The following MAGED1 variants were observed in gnomAD, a reference collection of about 807,000 sequenced individuals.
The protein encoded by MAGED1 is melanoma-associated antigen D1.
Under a neutral mutation model 54.1 loss-of-function variants are expected in MAGED1, and 3 were observed. The ratio of observed to expected loss-of-function variants is 0.06; its 90% CI spans 0.03 to 0.14. The LOEUF is 0.14. MAGED1 is among the 10% of genes least tolerant of loss of function. The probability of loss-of-function intolerance (pLI) is 1.00; values close to 1 mark genes in which losing one functional copy is unlikely to be tolerated. For missense variants in MAGED1, 485 were observed against 623.4 expected (o/e 0.78, Z 2.36); for synonymous variants, 217 against 227.3 (o/e 0.95, Z 0.41).
intron 1 of MAGED1, among the ~76,000 whole-genome samples, chrX:51,852,641 T>C (rs782637773): frequency 1.8e-5 from 2 of 111,904 alleles, no homozygotes; most frequent in Non-Finnish European, 3.8e-5. Context: ...GGAACAAGAT[T>C]TACATTCTTG....
At chrX:51,836,533 G>T (rs1926256568) in intron 1 of MAGED1, among the ~76,000 whole-genome samples, 1 of 109,256 alleles carries the variant, frequency 9.2e-6, no homozygotes. Context: ...TCTTTCCCCT[G>T]CCTTGGGTAG....
intron 1 of MAGED1, among the ~76,000 whole-genome samples, chrX:51,846,201 C>T (rs782580380): frequency 8.9e-6 from 1 of 111,942 alleles, no homozygotes; most frequent in South Asian, 3.7e-4. Flanking sequence ...AGAGACTTTG[C>T]AGATATGATT....
At chrX:51,841,568 G>A (rs1392858629) in intron 1 of MAGED1, among the ~76,000 whole-genome samples, 1 of 111,760 alleles carries the variant, frequency 8.9e-6, no homozygotes, top group African/African-American at 3.3e-5. Context: ...TATGGTTTTA[G>A]GTCTAACATG....
intron 1 of MAGED1, among the ~76,000 whole-genome samples, chrX:51,876,868 CTT>C: frequency 9.0e-6 from 1 of 111,089 alleles, no homozygotes; most frequent in East Asian, 2.8e-4. Flanking sequence ...TTTATATTAT[CTT>C]TTCTCATTTA....
intron 1 of MAGED1, among the ~76,000 whole-genome samples, chrX:51,866,470 A>G (rs781938737): frequency 1.8e-5 from 2 of 111,918 alleles, no homozygotes; most frequent in African/African-American, 3.2e-5. Flanking sequence ...AAAACTGTGA[A>G]CATTCCAATA....
chrX:51,829,534 A>T (rs1353265751), intron 1 of MAGED1, among the ~76,000 whole-genome samples: 8 of 109,459 alleles, frequency 7.3e-5, no homozygotes, highest in African/African-American at 2.3e-4. Flanking sequence ...TTAATTTTTA[A>T]AAAAAAAAAT....
rs781823534 is a variant in MAGED1, at chrX:51,897,018, C to T, written c.1363C>T (p.Arg455Cys). 13 of 1,210,220 alleles carry T rather than the reference C, an allele frequency of 1.1e-5. No homozygotes were observed. The highest frequency in any genetic ancestry group is 1.3e-5 in the Non-Finnish European group (12 of 895,258). ...SPNLRPSPNS[R>C]ASQNPGAAQP... ...TAACCTGCGCCCTTCTCCCAACTCGCGTGCCTCACAGAACCCAGGTGCTGC... is the reference window on the plus strand; with the variant it reads ...TAACCTGCGCCCTTCTCCCAACTCGTGTGCCTCACAGAACCCAGGTGCTGC... The change falls in exon 4 of 13, where the codon CGT (arginine) becomes TGT (cysteine). Residue 455 changes from arginine (R) to cysteine (C), a missense_variant. This residue lies in a region of MAGED1 where 186 missense variants were observed against 330.3 expected (regional missense o/e 0.56). Transcript: ENST00000326587.
intron 1 of MAGED1, among the ~76,000 whole-genome samples, chrX:51,804,955 C>T (rs782555897): frequency 2.7e-5 from 3 of 111,926 alleles, no homozygotes; most frequent in Non-Finnish European, 3.8e-5. Context: ...CCCTAGTGGT[C>T]ACTTTTCTGC....
In MAGED1 at chrX:51,895,742, G is replaced by T. The variant is rs1557364168; in HGVS notation, c.735G>T (p.Arg245=). ...ATCTGGAGTCCCGGACAATAATTCG[G>T]GGCAAGAGGACCCGCAAGGTGAGAT... ...AQNLESRTII[R]GKRTRKINNL... The change falls in exon 3 of 13, where the codon CGG becomes CGT. Residue 245 remains arginine (R), a synonymous_variant. Transcript: ENST00000326587. 1 of 1,175,135 alleles carries T rather than the reference G, an allele frequency of 8.5e-7. No individual in the cohort carries two copies.
chrX:51,820,781 A>G (rs1925595676), intron 1 of MAGED1, among the ~76,000 whole-genome samples: 1 of 111,784 alleles, frequency 8.9e-6, no homozygotes, highest in African/African-American at 3.2e-5. Context: ...TCCTTCAACT[A>G]GTTATTTTGA....
intron 10 of MAGED1, chrX:51,899,809 A>G (rs1404399239): frequency 6.0e-6 from 1 of 167,284 alleles, no homozygotes; most frequent in African/African-American, 3.2e-5. Context: ...CACCATCCCC[A>G]CAGTAGACAT....
At chrX:51,881,421 CTT>C (rs11458572) in intron 1 of MAGED1, among the ~76,000 whole-genome samples, 1 of 102,057 alleles carries the variant, frequency 9.8e-6, no homozygotes, top group Non-Finnish European at 2.0e-5. Context: ...CTTTTCTTTT[CTT>C]TTTTTTTTTG....
At chrX:51,829,469 AAAAC>A (rs1273549736) in intron 1 of MAGED1, among the ~76,000 whole-genome samples, 2 of 110,958 alleles carry the variant, frequency 1.8e-5, no homozygotes, top group African/African-American at 6.5e-5. Context: ...ACCAACACCA[AAAAC>A]AAACCATTAA....
chrX:51,897,854 T>A lies in MAGED1; in HGVS notation c.1626T>A (p.Ser542Arg). 1 of 1,205,873 alleles carries A rather than the reference T, an allele frequency of 8.3e-7. No individual in the cohort carries two copies. Among genetic ancestry groups the A allele is most frequent in the Non-Finnish European group, 1.1e-6 (1 of 891,704 alleles). Residue 542 changes from serine to arginine, a missense_variant, in exon 7 of 13, where the codon AGT becomes AGA. By Grantham distance (110) the Ser-to-Arg change is moderately radical. Transcript: ENST00000326587. ...AAGAACACCTGTATATTCTCATCAG[T>A]ACCCCCGAGTCCCTGGCTGGCATAC... ...DKEEHLYILI[S>R]TPESLAGILG...
At chrX:51,813,971 T>C (rs976524285) in intron 1 of MAGED1, among the ~76,000 whole-genome samples, 3 of 111,375 alleles carry the variant, frequency 2.7e-5, no homozygotes. Context: ...CCCTGGATCA[T>C]GTGTCTCAGC....
chrX:51,810,020 G>A (rs1186086948), intron 1 of MAGED1, among the ~76,000 whole-genome samples: 2 of 111,470 alleles, frequency 1.8e-5, no homozygotes, highest in African/African-American at 3.3e-5. Flanking sequence ...CTTAGCAACC[G>A]CCACTGTTTT....
At chrX:51,883,585 T>C (rs987278563) in intron 1 of MAGED1, among the ~76,000 whole-genome samples, 10 of 112,351 alleles carry the variant, frequency 8.9e-5, no homozygotes, top group Non-Finnish European at 1.3e-4. Context: ...TCACTTGTCA[T>C]AGTGAGAACT....
chrX:51,888,089 A>T (rs1303328706), intron 1 of MAGED1, among the ~76,000 whole-genome samples: 1 of 111,621 alleles, frequency 9.0e-6, no homozygotes, highest in Non-Finnish European at 1.9e-5. Context: ...AATGGATAAG[A>T]CCTACTACTT....
intron 1 of MAGED1, among the ~76,000 whole-genome samples, chrX:51,845,147 G>A (rs1557359150): frequency 9.0e-6 from 1 of 111,197 alleles, no homozygotes; most frequent in Admixed American, 9.5e-5. Context: ...CAGGAGAATC[G>A]CTTGAACGCA....
Sources: allele counts gnomAD v4.1 joint callset (sites outside exome capture counted in the v4.1 genomes callset), GRCh38; gene constraint gnomAD v4.1.1; regional missense constraint gnomAD v4.1.1; transcripts MANE v1.5; gene names NCBI Gene and HGNC (gene_info 2026-07-23, HGNC 2026-07-21).